Variants in RASAL2 observed in about 807,000 individuals in gnomAD.
The protein encoded by RASAL2 is ras GTPase-activating protein nGAP.
Under a neutral mutation model 128.9 loss-of-function variants are expected in RASAL2, and 58 were observed. That is an observed-to-expected ratio of 0.45 (90% confidence interval 0.36 to 0.56). RASAL2 has a LOEUF of 0.56. Ranked by LOEUF, RASAL2 falls within the 20% of genes least tolerant of loss-of-function variation. RASAL2 has a pLI of 0.00. For missense variants in RASAL2, 1,360 were observed against 1,601.6 expected (o/e 0.85, Z 2.57); for synonymous variants, 561 against 580.8 (o/e 0.97, Z 0.49).
chr1:178,315,335 TC>T (rs1668456908), intron 3 of RASAL2, among the ~76,000 whole-genome samples: 1 of 140,020 alleles, frequency 7.1e-6, no homozygotes, highest in African/African-American at 3.0e-5. Context: ...AAATGGTATT[TC>T]TAGTTCTAGA....
intron 1 of RASAL2, among the ~76,000 whole-genome samples, chr1:178,106,677 T>C (rs1194112565): frequency 2.6e-5 from 4 of 152,136 alleles, no homozygotes; most frequent in African/African-American, 9.7e-5. Flanking sequence ...ATAACATGAT[T>C]AAGAAAAAAT....
chr1:178,459,382 A>G (rs1291012063), intron 14 of RASAL2, among the ~76,000 whole-genome samples: 2 of 151,910 alleles, frequency 1.3e-5, no homozygotes, highest in Non-Finnish European at 2.9e-5. Flanking sequence ...ATCTTTATAT[A>G]TCTTTCATCT....
At chr1:178,345,818 A>C (rs1348352524) in intron 3 of RASAL2, among the ~76,000 whole-genome samples, 2 of 152,226 alleles carry the variant, frequency 1.3e-5, no homozygotes, top group African/African-American at 4.8e-5. Context: ...GAGTTTGTTC[A>C]GTCAAAGGAC....
intron 2 of RASAL2, among the ~76,000 whole-genome samples, chr1:178,294,028 AT>A (rs150474757): frequency 0.04 from 6,075 of 152,264 alleles, 384 homozygotes; most frequent in African/African-American, 0.14. Context: ...GAACTACACA[AT>A]AGGGAATGTA....
intron 4 of RASAL2, among the ~76,000 whole-genome samples, chr1:178,420,183 A>G (rs1231586708): frequency 6.6e-6 from 1 of 152,196 alleles, no homozygotes. Context: ...AGAAAGGAAT[A>G]TATTTGTGTA....
chr1:178,181,692 T>C (rs915155933), intron 1 of RASAL2, among the ~76,000 whole-genome samples: 2 of 152,084 alleles, frequency 1.3e-5, no homozygotes, highest in African/African-American at 4.8e-5. Context: ...TGACAGTCTC[T>C]CAGGCGTTCT....
At chr1:178,431,572 A>G (rs928584047) in intron 5 of RASAL2, among the ~76,000 whole-genome samples, 2 of 152,076 alleles carry the variant, frequency 1.3e-5, no homozygotes, top group Admixed American at 6.6e-5. Flanking sequence ...GCAATTTCAC[A>G]TCTGAGAATT....
At chr1:178,142,316 G>A (rs1186887270) in intron 1 of RASAL2, among the ~76,000 whole-genome samples, 1 of 152,160 alleles carries the variant, frequency 6.6e-6, no homozygotes, top group Non-Finnish European at 1.5e-5. Context: ...TGGGAAGTTA[G>A]AGGGAAGGGA....
At chr1:178,171,421 T>TA (rs1661702749) in intron 1 of RASAL2, among the ~76,000 whole-genome samples, 1 of 151,976 alleles carries the variant, frequency 6.6e-6, no homozygotes, top group Non-Finnish European at 1.5e-5. Context: ...AAGTAATTGA[T>TA]ACTTGAGTTG....
intron 1 of RASAL2, among the ~76,000 whole-genome samples, chr1:178,276,575 G>C (rs1666524763): frequency 1.3e-5 from 2 of 151,324 alleles, no homozygotes; most frequent in Non-Finnish European, 2.9e-5. Flanking sequence ...ACAGTGGTGT[G>C]ATCATGGCCC....
intron 1 of RASAL2, among the ~76,000 whole-genome samples, chr1:178,096,410 G>T (rs1369803660): frequency 6.6e-6 from 1 of 151,810 alleles, no homozygotes; most frequent in East Asian, 1.9e-4. Context: ...ACAAATGTAT[G>T]TTGTTTTGTA....
rs1258181843 is a variant in RASAL2 at position 178,348,012 on chromosome 1, C to T, written c.458-42088C>T. 2.6e-5 allele frequency among the ~76,000 whole-genome samples: 4 copies of T among 152,288 alleles called. No individual in the cohort carries two copies. In the East Asian group the frequency reaches 7.7e-4, roughly 29 times the overall value. On this transcript the variant is annotated intron_variant, in intron 3 of 17. Coordinates refer to ENST00000367649, the MANE Select transcript of RASAL2 (RefSeq NM_170692.4). ...GCTTCATGTGACAGAATGCATGAAC[C>T]TCACAAATGTATGTTGAGCATGAAA...
At chr1:178,274,011 C>G (rs1362706559) in intron 1 of RASAL2, among the ~76,000 whole-genome samples, 1 of 152,080 alleles carries the variant, frequency 6.6e-6, no homozygotes. Flanking sequence ...GTAAGCTCAG[C>G]GATTTGTGAT....
chr1:178,204,272 CTTA>C (rs1347899830), intron 1 of RASAL2, among the ~76,000 whole-genome samples: 4 of 152,012 alleles, frequency 2.6e-5, no homozygotes, highest in Non-Finnish European at 5.9e-5. Flanking sequence ...TAATTATGAC[CTTA>C]TTATTGTGTT....
At position 178,474,846 on chromosome 1, in the gene RASAL2, T is replaced by G. The variant is rs1310828741; in HGVS notation, c.*1607T>G. 1 of 152,158 alleles carries G rather than the reference T, an allele frequency of 6.6e-6. No individual in the cohort carries two copies. The highest frequency in any genetic ancestry group is 6.5e-5 in the Admixed American group (1 of 15,272). The allele number at this position is 152,158 out of a possible 1,614,324, so 9.4% of individuals were successfully genotyped here. A position where few individuals can be genotyped will look rare whatever the true frequency, so the allele number is the denominator to read the frequency against. ...GTTTTATATTGAGAAAGCAACAATG[T>G]TTCTCGAATAAGTTGATGTTGATTT... On this transcript the variant is annotated 3_prime_UTR_variant, in exon 18 of 18. Coordinates refer to ENST00000367649, the MANE Select transcript of RASAL2 (RefSeq NM_170692.4).
At chr1:178,459,403 T>C (rs1678016090) in intron 14 of RASAL2, among the ~76,000 whole-genome samples, 1 of 152,018 alleles carries the variant, frequency 6.6e-6, no homozygotes, top group African/African-American at 2.4e-5. Context: ...AAAAAGATTT[T>C]TCTCCTAAAA....
intron 1 of RASAL2, among the ~76,000 whole-genome samples, chr1:178,115,858 A>G (rs952823357): frequency 8.5e-5 from 13 of 152,054 alleles, no homozygotes; most frequent in African/African-American, 3.1e-4. Flanking sequence ...AATATTTTGA[A>G]GGTTAATATT....
intron 5 of RASAL2, among the ~76,000 whole-genome samples, chr1:178,426,810 T>C (rs1675545942): frequency 6.6e-6 from 1 of 151,742 alleles, no homozygotes; most frequent in Non-Finnish European, 1.5e-5. Context: ...AACTGAGGAG[T>C]TTGGATTTTA....
intron 5 of RASAL2, among the ~76,000 whole-genome samples, chr1:178,429,949 A>G (rs1049123215): frequency 1.3e-5 from 2 of 151,998 alleles, no homozygotes; most frequent in African/African-American, 2.4e-5. Context: ...CTAAGTGCCT[A>G]CCCCACCCCC....
Sources: allele counts gnomAD v4.1 joint callset (sites outside exome capture counted in the v4.1 genomes callset), GRCh38; gene constraint gnomAD v4.1.1; transcripts MANE v1.5; gene names NCBI Gene and HGNC (gene_info 2026-07-23, HGNC 2026-07-21).